The following ILRUN variants were observed in gnomAD, a reference collection of about 807,000 sequenced individuals.
ILRUN encodes protein ILRUN.
A neutral mutation model predicts 33.8 loss-of-function variants in ILRUN; 3 were observed. The ratio of observed to expected loss-of-function variants is 0.09; its 90% CI spans 0.04 to 0.23. ILRUN has a LOEUF of 0.23. Ranked by LOEUF, ILRUN falls within the 10% of genes least tolerant of loss-of-function variation. ILRUN has a pLI of 1.00. For synonymous variants in ILRUN, 124 were observed against 138.9 expected, an observed-to-expected ratio of 0.89 and a Z score of 0.75; for missense variants, 210 against 375.1, an observed-to-expected ratio of 0.56 and a Z score of 3.64.
chr6:34,600,281 C>T (rs1431492693), intron 4 of ILRUN, among the ~76,000 whole-genome samples: 2 of 152,176 alleles, frequency 1.3e-5, no homozygotes, highest in South Asian at 2.1e-4. Context: ...TACTCTCTCT[C>T]GTGGCTCTGC....
chr6:34,691,150 A>T (rs1763642144), intron 1 of ILRUN, among the ~76,000 whole-genome samples: 1 of 152,110 alleles, frequency 6.6e-6, no homozygotes. Flanking sequence ...GGCCTCCCAA[A>T]GTGCTGGGAT....
At chr6:34,673,741 C>T (rs1763164994) in intron 1 of ILRUN, among the ~76,000 whole-genome samples, 1 of 152,022 alleles carries the variant, frequency 6.6e-6, no homozygotes, top group South Asian at 2.1e-4. Flanking sequence ...TGAGGAGGAT[C>T]ACCTGTGCGC....
At chr6:34,610,366 G>A (rs925878312) in intron 3 of ILRUN, among the ~76,000 whole-genome samples, 1 of 152,128 alleles carries the variant, frequency 6.6e-6, no homozygotes, top group South Asian at 2.1e-4. Context: ...AATGAAGTGG[G>A]ACAATCCAAT....
intron 3 of ILRUN, among the ~76,000 whole-genome samples, chr6:34,636,858 C>A (rs1762375922): frequency 6.6e-6 from 1 of 152,142 alleles, no homozygotes; most frequent in South Asian, 2.1e-4. Context: ...ACTAAAAACT[C>A]CCATCACACA....
chr6:34,600,558 C>G (rs138423825), intron 4 of ILRUN, among the ~76,000 whole-genome samples: 12 of 152,140 alleles, frequency 7.9e-5, no homozygotes, highest in Non-Finnish European at 1.6e-4. Context: ...GGAATATAGA[C>G]AGGTTTGGTT....
Position 34,605,453 on chromosome 6 carries a change from C to T in ILRUN, c.861+1102G>A, listed in dbSNP as rs1220731301. 4.0e-5 allele frequency among the ~76,000 whole-genome samples: 6 copies of T among 151,280 alleles called. No individual in the cohort carries two copies. In the South Asian group the frequency reaches 1.0e-3, roughly 26 times the overall value. On this transcript the variant is annotated intron_variant, in intron 4 of 4. Coordinates refer to ENST00000374023, the MANE Select transcript of ILRUN (RefSeq NM_024294.4). ...GACCAGCCCAGCCAACATAGTGAAACCCTGTCTCTACTAAAAATACAAAAC... is the reference window on the plus strand; with the variant it reads ...GACCAGCCCAGCCAACATAGTGAAATCCTGTCTCTACTAAAAATACAAAAC...
At chr6:34,659,618 CTTT>C (rs985939505) in intron 1 of ILRUN, among the ~76,000 whole-genome samples, 5 of 91,470 alleles carry the variant, frequency 5.5e-5, no homozygotes, top group Non-Finnish European at 6.0e-5. Context: ...ATAAGGCAGT[CTTT>C]TTTTTTTTTT....
chr6:34,623,116 C>G (rs1762042186), intron 3 of ILRUN, among the ~76,000 whole-genome samples: 1 of 152,108 alleles, frequency 6.6e-6, no homozygotes, highest in African/African-American at 2.4e-5. Context: ...TTAATGGGTA[C>G]AGAGTTTCAG....
chr6:34,632,603 C>T (rs1252430380), intron 3 of ILRUN, among the ~76,000 whole-genome samples: 3 of 145,324 alleles, frequency 2.1e-5, no homozygotes, highest in Admixed American at 6.9e-5. Context: ...ACCCAGGCTG[C>T]CTCCTGGGTT....
Position 34,613,717 on chromosome 6 carries a change from T to C in ILRUN, c.512-6813A>G, listed in dbSNP as rs75048861. Among the ~76,000 whole-genome samples, 128 of 152,342 alleles carry C rather than the reference T, an allele frequency of 8.4e-4. 1 individual carries two copies. In the East Asian group the frequency reaches 0.022, roughly 26 times the overall value. On this transcript the variant is annotated intron_variant, in intron 3 of 4. Transcript: ENST00000374023. ...TGTCAATATAAGTTCCTGGTTATAA[T>C]AGATGAAGAAATACGGAATCAGTTG... is the stretch of plus-strand genomic sequence containing the variant.
rs1379350747 is a variant in ILRUN, at chr6:34,640,452, T to C, written c.511+6149A>G. ...AGTGGGCCGGGCGCGGTGGCTCATG[T>C]CTGTAATCCTAGCACTTTGGGAGGC... On this transcript the variant is annotated intron_variant, in intron 3 of 4. Transcript: ENST00000374023. Among the ~76,000 whole-genome samples, 5 of 152,192 alleles carry C rather than the reference T, an allele frequency of 3.3e-5. No individual in the cohort carries two copies. The East Asian group carries it at 9.7e-4, about 29-fold the overall frequency.
At chr6:34,675,704 C>T (rs888291841) in intron 1 of ILRUN, among the ~76,000 whole-genome samples, 11 of 151,976 alleles carry the variant, frequency 7.2e-5, no homozygotes, top group Non-Finnish European at 1.5e-5. Flanking sequence ...CTGGAGGAAC[C>T]ATAAGAATCT....
intron 3 of ILRUN, chr6:34,616,747 T>C: frequency 2.8e-6 from 2 of 714,880 alleles, no homozygotes; most frequent in African/African-American, 1.7e-5. Flanking sequence ...CAAGAAAAAC[T>C]AGCAACTTCT....
chr6:34,596,741 G>A (rs540471719), intron 4 of ILRUN, among the ~76,000 whole-genome samples: 2 of 152,212 alleles, frequency 1.3e-5, no homozygotes, highest in South Asian at 4.1e-4. Flanking sequence ...AAGGGCTGAT[G>A]ACAGGGCAAG....
intron 4 of ILRUN, among the ~76,000 whole-genome samples, chr6:34,593,034 T>C (rs955528031): frequency 1.3e-5 from 2 of 151,980 alleles, no homozygotes; most frequent in East Asian, 1.9e-4. Flanking sequence ...TTTTAATTAG[T>C]TGGACATGGC....
chr6:34,663,724 G>T (rs1762939771), intron 1 of ILRUN, among the ~76,000 whole-genome samples: 1 of 152,152 alleles, frequency 6.6e-6, no homozygotes, highest in Non-Finnish European at 1.5e-5. Flanking sequence ...ACAATTCAAT[G>T]ATTTTTAGTA....
Position 34,590,486 on chromosome 6 carries a change from T to A in ILRUN, c.*79A>T, listed in dbSNP as rs915627605. The A allele has an allele frequency of 5.6e-6, 9 of 1,606,836 alleles. No individual in the cohort carries two copies. The African/African-American group carries it at 9.3e-5, about 17-fold the overall frequency. The stretch of plus-strand genomic sequence containing the variant: ...GGGGTCTGTGCGATGTGGTCTGCAA[T>A]CCAGAGGAACCCCTTGCCCTAACCC... On this transcript the variant is annotated 3_prime_UTR_variant, in exon 5 of 5. Transcript: ENST00000374023.
chr6:34,668,242 C>A (rs1763044133), intron 1 of ILRUN, among the ~76,000 whole-genome samples: 1 of 152,166 alleles, frequency 6.6e-6, no homozygotes, highest in African/African-American at 2.4e-5. Context: ...CCTTACCATA[C>A]AAATTAACAA....
In ILRUN at chr6:34,654,753, T is replaced by C; in HGVS notation, c.185A>G (p.Tyr62Cys). ...GATGTTTGGGCTCTCAAAGTCATAA[T>C]AGGCGCCAATTGCTGCTTGTAGGTT... ...NWNLQAAIGA[Y>C]YDFESPNISV... is the part of the protein sequence containing the mutation. The change falls in exon 2 of 5, where the codon TAT becomes TGT. Residue 62 changes from tyrosine (Y) to cysteine (C), a missense_variant. By Grantham distance (194) the Tyr-to-Cys change is radical. Around this residue, in one of 4 missense-constraint regions of ILRUN, gnomAD observed 61 missense variants for 94.4 expected, o/e 0.65. Transcript: ENST00000374023. The C allele has an allele frequency of 1.2e-6, 2 of 1,613,800 alleles. No homozygotes were observed. The highest frequency in any genetic ancestry group is 1.7e-6 in the Non-Finnish European group (2 of 1,179,900).
Sources: allele counts gnomAD v4.1 joint callset (sites outside exome capture counted in the v4.1 genomes callset), GRCh38; gene constraint gnomAD v4.1.1; regional missense constraint gnomAD v4.1.1; transcripts MANE v1.5; gene names NCBI Gene and HGNC (gene_info 2026-07-23, HGNC 2026-07-21).